Variants in USP47 observed in about 807,000 individuals in gnomAD.
The protein encoded by USP47 is ubiquitin carboxyl-terminal hydrolase 47.
Under a neutral mutation model 165.1 loss-of-function variants are expected in USP47, and 35 were observed. The observed-to-expected ratio is 0.21, with a 90% CI of 0.16 to 0.28. The LOEUF (loss-of-function observed/expected upper bound fraction) is 0.28, where lower values mean the gene tolerates loss of function less well. Among genes scored for constraint, USP47 ranks in the 10% least tolerant of loss-of-function variants. USP47 has a pLI of 1.00. For synonymous variants in USP47, 531 were observed against 544.5 expected (o/e 0.98, Z 0.35); for missense variants, 1,277 against 1,607.4 (o/e 0.79, Z 3.52).
chr11:11,942,589 C>T lies in USP47; in HGVS notation c.2568C>T (p.Ser856=), dbSNP rs1855552974. The part of the protein sequence containing the change: ...LKSVEAILEE[S]TEKLKSLSLQ... Reference sequence around the variant, plus strand: ...CTGTGGAAGCTATTCTAGAAGAAAGCACTGAAAAACTCAAAAGCTTGTCAC... The same window carrying T: ...CTGTGGAAGCTATTCTAGAAGAAAGTACTGAAAAACTCAAAAGCTTGTCAC... Residue 856 remains serine, a synonymous_variant, in exon 20 of 28, where the codon AGC becomes AGT. Coordinates refer to ENST00000527733, the MANE Select transcript of USP47 (RefSeq NM_001282659.2). 2 of 1,613,484 alleles carry T rather than the reference C, an allele frequency of 1.2e-6. No individual in the cohort carries two copies. The highest frequency in any genetic ancestry group is 1.7e-6 in the Non-Finnish European group (2 of 1,179,718).
At chr11:11,937,828 C>T (rs1855185322) in intron 17 of USP47, among the ~76,000 whole-genome samples, 1 of 151,742 alleles carries the variant, frequency 6.6e-6, no homozygotes, top group Non-Finnish European at 1.5e-5. Flanking sequence ...GTATTAAGTA[C>T]AATGTTTGAA....
intron 24 of USP47, 89 bp downstream of exon 24, chr11:11,950,571 C>A: frequency 1.1e-6 from 1 of 891,336 alleles, no homozygotes; most frequent in South Asian, 1.5e-5. Flanking sequence ...TAATGAGTTA[C>A]GAGGAATCTA....
intron 1 of USP47, among the ~76,000 whole-genome samples, chr11:11,848,849 T>A (rs1848573392): frequency 6.6e-6 from 1 of 152,202 alleles, no homozygotes; most frequent in South Asian, 2.1e-4. Context: ...GACCTCGTGA[T>A]ACGCCTGCCT....
intron 25 of USP47, among the ~76,000 whole-genome samples, chr11:11,953,202 A>G (rs951751703): frequency 2.6e-5 from 4 of 151,844 alleles, no homozygotes; most frequent in East Asian, 3.9e-4. Flanking sequence ...CTTTATGTCT[A>G]AAAAAAACCA....
Position 11,903,334 on chromosome 11 carries a change from A to G in USP47, c.811A>G (p.Thr271Ala). Residue 271 changes from threonine (T) to alanine (A), a missense_variant, in exon 7 of 28, where the codon ACA (threonine) becomes GCA (alanine). Thr to Ala is a moderately conservative substitution (Grantham distance 58). This residue lies in a region of USP47 where 175 missense variants were observed against 295.8 expected (regional missense o/e 0.59). Coordinates refer to ENST00000527733, the MANE Select transcript of USP47 (RefSeq NM_001282659.2). ...FDALEQKWKQ[T>A]EQADLINELY... ...TGCTTTGGAACAGAAATGGAAGCAAACAGAACAGGTAATTTATATCTCTCA... is the reference window on the plus strand; with the variant it reads ...TGCTTTGGAACAGAAATGGAAGCAAGCAGAACAGGTAATTTATATCTCTCA... The G allele has an allele frequency of 6.2e-7, 1 of 1,611,992 alleles. No homozygotes were observed. The highest frequency in any genetic ancestry group is 8.5e-7 in the Non-Finnish European group (1 of 1,178,764).
intron 16 of USP47, among the ~76,000 whole-genome samples, chr11:11,934,288 A>G (rs1854893867): frequency 6.6e-6 from 1 of 152,184 alleles, no homozygotes; most frequent in African/African-American, 2.4e-5. Context: ...TAGAGATACC[A>G]AAGTGAACAA....
intron 1 of USP47, among the ~76,000 whole-genome samples, chr11:11,872,023 A>G (rs1564858119): frequency 6.6e-6 from 1 of 152,204 alleles, no homozygotes; most frequent in Non-Finnish European, 1.5e-5. Context: ...TTTGCTATAT[A>G]ACAATCTGCC....
rs928215014 is a variant in USP47, at chr11:11,952,851, G to A, written c.3694G>A (p.Val1232Met). ...FQEVVLESSS[V>M]DELREKLSEI... The stretch of plus-strand genomic sequence containing the variant: ...GGAGGTTGTATTGGAAAGCAGTAGT[G>A]TGGACGAATTGCGAGAGAAGGTAAG... The change falls in exon 25 of 28, where the codon GTG becomes ATG. Residue 1232 changes from valine to methionine, a missense_variant. By Grantham distance (21) the Val-to-Met change is conservative (BLOSUM62 1). This residue lies in a region of USP47 where 909 missense variants were observed against 1,068.1 expected (regional missense o/e 0.85). Transcript: ENST00000527733. 1.2e-5 allele frequency: 19 copies of A among 1,606,566 alleles called. No homozygotes were observed. The highest frequency in any genetic ancestry group is 1.5e-5 in the Non-Finnish European group (18 of 1,176,160).
At chr11:11,858,231 A>C (rs772416668) in intron 1 of USP47, among the ~76,000 whole-genome samples, 1 of 151,980 alleles carries the variant, frequency 6.6e-6, no homozygotes, top group East Asian at 1.9e-4. Context: ...GAACCTGGAC[A>C]TGCTCCACCG....
chr11:11,874,705 A>G (rs1399297721), intron 1 of USP47, among the ~76,000 whole-genome samples: 1 of 151,972 alleles, frequency 6.6e-6, no homozygotes, highest in Non-Finnish European at 1.5e-5. Flanking sequence ...GATTACAGGC[A>G]TGCACCACCA....
At chr11:11,948,653 G>A (rs1856012136) in intron 22 of USP47, 95 bp downstream of exon 22, 1 of 1,194,296 alleles carries the variant, frequency 8.4e-7, no homozygotes, top group Non-Finnish European at 1.2e-6. Flanking sequence ...TTTCTCTGAA[G>A]CAAAGGTCAG....
chr11:11,949,765 TAGACTCTGAAAC>T, intron 22 of USP47, 112 bp from the exon 23 acceptor site: 1 of 621,728 alleles, frequency 1.6e-6, no homozygotes, highest in Non-Finnish European at 2.7e-6. Flanking sequence ...AAAAGGAAGA[TAGACTCTGAAAC>T]TCAGGCCCTT....
At chr11:11,893,126 G>T (rs1337281482) in intron 4 of USP47, among the ~76,000 whole-genome samples, 1 of 151,916 alleles carries the variant, frequency 6.6e-6, no homozygotes, top group Admixed American at 6.6e-5. Flanking sequence ...AAGTAAAATG[G>T]CTTTTTTATG....
chr11:11,915,142 T>A (rs1212324939), intron 8 of USP47, among the ~76,000 whole-genome samples: 1 of 152,198 alleles, frequency 6.6e-6, no homozygotes, highest in Non-Finnish European at 1.5e-5. Context: ...GAAATAGTAC[T>A]TAGCAATAAA....
At chr11:11,897,521 A>C in intron 4 of USP47, 76 bp from the exon 5 acceptor site, 1 of 1,095,330 alleles carries the variant, frequency 9.1e-7, no homozygotes, top group Non-Finnish European at 1.3e-6. Flanking sequence ...CTTTACTGTG[A>C]ATTAAATTCT....
At chr11:11,906,043 C>T (rs1006104514) in intron 8 of USP47, among the ~76,000 whole-genome samples, 4 of 152,074 alleles carry the variant, frequency 2.6e-5, no homozygotes, top group Non-Finnish European at 5.9e-5. Flanking sequence ...TGTAGTAGCA[C>T]AGATAATTCA....
At chr11:11,855,097 G>GAA (rs777493032) in intron 1 of USP47, among the ~76,000 whole-genome samples, 19 of 135,030 alleles carry the variant, frequency 1.4e-4, no homozygotes, top group Non-Finnish European at 2.4e-4. Flanking sequence ...TCCGTCTCAG[G>GAA]AAAAAAAAAA....
At chr11:11,955,959 G>A in intron 27 of USP47, 42 bp from the exon 28 acceptor site, 1 of 1,428,514 alleles carries the variant, frequency 7.0e-7, no homozygotes, top group Non-Finnish European at 9.3e-7. Flanking sequence ...TAGAGGTGGA[G>A]GGCTCTACTG....
At chr11:11,872,647 C>T (rs1028003557) in intron 1 of USP47, among the ~76,000 whole-genome samples, 2 of 152,214 alleles carry the variant, frequency 1.3e-5, no homozygotes, top group African/African-American at 4.8e-5. Flanking sequence ...CACTGCACAG[C>T]ATCACCTCCT....
Sources: gnomAD v4.1 joint callset for allele counts (sites outside exome capture counted in the v4.1 genomes callset) on GRCh38, gnomAD v4.1.1 for gene constraint, gnomAD v4.1.1 regional missense constraint, MANE v1.5 for transcripts, NCBI Gene and HGNC (gene_info 2026-07-23, HGNC 2026-07-21) for gene names.